The following LEKR1 variants were observed in gnomAD, a reference collection of about 807,000 sequenced individuals.
The protein encoded by LEKR1 is leucine, glutamate and lysine rich 1, also known as protein LEKR1.
Under a neutral mutation model 72.4 loss-of-function variants are expected in LEKR1, and 59 were observed. That is an observed-to-expected ratio of 0.82 (90% CI 0.66 to 1.01). The LOEUF is 1.01. LEKR1 is among the 50% of genes least tolerant of loss of function. The probability of loss-of-function intolerance (pLI) is 0.00; values close to 1 mark genes in which losing one functional copy is unlikely to be tolerated. For synonymous variants in LEKR1, 257 were observed against 263.2 expected, an observed-to-expected ratio of 0.98 and a Z score of 0.23; for missense variants, 728 against 759.2, an observed-to-expected ratio of 0.96 and a Z score of 0.48.
chr3:157,014,487 C>G (rs1297643549), intron 10 of LEKR1, among the ~76,000 whole-genome samples: 1 of 152,080 alleles, frequency 6.6e-6, no homozygotes, highest in Non-Finnish European at 1.5e-5. Flanking sequence ...AATTAAAGAA[C>G]CAAATGACCT....
At chr3:157,031,525 A>G (rs988321682) in intron 12 of LEKR1, among the ~76,000 whole-genome samples, 1 of 152,166 alleles carries the variant, frequency 6.6e-6, no homozygotes, top group South Asian at 2.1e-4. Context: ...CTGGCTAAGC[A>G]TGCCAGAGTC....
intron 6 of LEKR1, among the ~76,000 whole-genome samples, chr3:156,953,700 A>G (rs1221816129): frequency 1.3e-5 from 2 of 151,886 alleles, no homozygotes; most frequent in Admixed American, 6.6e-5. Flanking sequence ...ACATGATCTC[A>G]TTCCTTTTTA....
chr3:157,011,262 T>A, intron 9 of LEKR1, 151 bp from the exon 10 acceptor site: 1 of 573,462 alleles, frequency 1.7e-6, no homozygotes, highest in Non-Finnish European at 3.1e-6. Flanking sequence ...TTGCTGTTAA[T>A]AGTTAAAATG....
chr3:156,993,611 A>G (rs375001160), intron 9 of LEKR1, among the ~76,000 whole-genome samples: 1 of 151,498 alleles, frequency 6.6e-6, no homozygotes, highest in South Asian at 2.1e-4. Context: ...AGTGATTGGT[A>G]GATTCTATCA....
At position 157,024,936 on chromosome 3, in the gene LEKR1, T is replaced by C; in HGVS notation, c.1368+12T>C. The C allele has an allele frequency of 1.3e-6, 2 of 1,536,318 alleles. No homozygotes were observed. Among genetic ancestry groups the C allele is most frequent in the South Asian group, 1.2e-5 (1 of 85,244 alleles). On this transcript the variant is annotated intron_variant, in intron 11 of 12. Transcript: ENST00000356539. ...AACTACAAATGAAGGTCTGTAATTA[T>C]GATGTTCATCATTATTTAATAGATT...
intron 3 of LEKR1, among the ~76,000 whole-genome samples, chr3:156,899,614 ACATATATACACATATATACACG>A (rs869262162): frequency 0.069 from 7,158 of 103,618 alleles, 1,274 homozygotes; most frequent in Middle Eastern, 0.099. Flanking sequence ...ATATATACAC[ACATATATACACATATATACACG>A]CATATATACA....
chr3:156,841,769 A>C (rs1412023425), intron 2 of LEKR1, among the ~76,000 whole-genome samples: 1 of 152,190 alleles, frequency 6.6e-6, no homozygotes, highest in African/African-American at 2.4e-5. Flanking sequence ...TGATTTATCT[A>C]GATTGTCTGT....
chr3:156,947,898 A>G (rs1033579394), intron 6 of LEKR1, among the ~76,000 whole-genome samples: 4 of 151,192 alleles, frequency 2.6e-5, no homozygotes. Flanking sequence ...TAACTTTAAT[A>G]TAATTTTATT....
chr3:156,979,262 A>T lies in LEKR1; in HGVS notation c.814A>T (p.Lys272Ter), dbSNP rs1361216130. Residue 272 changes from lysine to a stop codon, truncating the protein, a stop_gained, in exon 7 of 13, where the codon AAA becomes TAA. Coordinates refer to ENST00000356539, the MANE Select transcript of LEKR1 (RefSeq NM_001004316.3). LOFTEE classifies it high-confidence loss of function. ...QKAVTEMDNYKEMLMNKSNEA... is the reference protein window; with the variant it reads ...QKAVTEMDNY Reference sequence around the variant, plus strand: ...GGCGGTGACAGAGATGGACAACTATAAAGAAATGCTTATGTAAGATGGAGA... The same window carrying T: ...GGCGGTGACAGAGATGGACAACTATTAAGAAATGCTTATGTAAGATGGAGA... 2 of 1,280,954 alleles carry T rather than the reference A, an allele frequency of 1.6e-6. No individual in the cohort carries two copies. The highest frequency in any genetic ancestry group is 5.6e-5 in the East Asian group (1 of 18,002). The allele number at this position is 1,280,954 out of a possible 1,614,324, so 79.3% of individuals were successfully genotyped here.
chr3:156,853,032 C>T (rs1715590171), intron 3 of LEKR1, 50 bp downstream of exon 3: 2 of 1,223,420 alleles, frequency 1.6e-6, no homozygotes, highest in Non-Finnish European at 2.3e-6. Context: ...AAGACAGCTA[C>T]AGGAAATAAA....
intron 2 of LEKR1, among the ~76,000 whole-genome samples, chr3:156,850,115 T>G (rs1244124787): frequency 2.6e-5 from 4 of 151,924 alleles, no homozygotes; most frequent in African/African-American, 4.8e-5. Context: ...AACAGATGCT[T>G]CTCAAAAGAA....
chr3:156,919,358 G>A (rs1723969746), intron 3 of LEKR1, among the ~76,000 whole-genome samples: 1 of 133,858 alleles, frequency 7.5e-6, no homozygotes, highest in Admixed American at 6.8e-5. Flanking sequence ...TTTGTATTAC[G>A]AGCATTGTTG....
intron 3 of LEKR1, among the ~76,000 whole-genome samples, chr3:156,881,029 C>G (rs576572717): frequency 2.0e-5 from 3 of 152,212 alleles, no homozygotes; most frequent in South Asian, 4.1e-4. Context: ...TATGACAAAC[C>G]CACAGCCAAT....
chr3:156,984,570 G>A (rs530487998), intron 7 of LEKR1, among the ~76,000 whole-genome samples: 12 of 152,096 alleles, frequency 7.9e-5, no homozygotes, highest in African/African-American at 2.9e-4. Context: ...CCAGTTACTC[G>A]GGAGGCTGAG....
In LEKR1 at chr3:157,007,119, G is replaced by A. The variant is rs534371034; in HGVS notation, c.1110-4294G>A. ...CGGGAGGCTGAGGCAGGAGAATGGC[G>A]TGAACCCGGGAGGCGGAGCTTGCAG... On this transcript the variant is annotated intron_variant, in intron 9 of 12. Transcript: ENST00000356539. Among the ~76,000 whole-genome samples the A allele has an allele frequency of 3.5e-4, 54 of 152,162 alleles. 1 individual carries two copies. The highest frequency in any genetic ancestry group is 1.4e-3 in the Admixed American group (22 of 15,298).
rs115358254 is a variant in LEKR1, at chr3:157,018,308, C to T, written c.1204-6452C>T. ...TAAATTTATTAACAGATATATTGAACGATATTGTTAACAAACTTGACCTAA... is the reference window on the plus strand; with the variant it reads ...TAAATTTATTAACAGATATATTGAATGATATTGTTAACAAACTTGACCTAA... On this transcript the variant is annotated intron_variant, in intron 10 of 12. Coordinates refer to ENST00000356539, the MANE Select transcript of LEKR1 (RefSeq NM_001004316.3). 3.9e-3 allele frequency among the ~76,000 whole-genome samples: 598 copies of T among 152,098 alleles called. 5 individuals are homozygous for T. The highest frequency in any genetic ancestry group is 0.013 in the African/African-American group (560 of 41,486).
intron 12 of LEKR1, among the ~76,000 whole-genome samples, chr3:157,040,276 T>C (rs1191584562): frequency 6.6e-6 from 1 of 152,242 alleles, no homozygotes; most frequent in Admixed American, 6.5e-5. Context: ...TTTGTCATCA[T>C]GGGCTCTTCC....
At chr3:156,918,281 C>A (rs901182165) in intron 3 of LEKR1, among the ~76,000 whole-genome samples, 1 of 152,068 alleles carries the variant, frequency 6.6e-6, no homozygotes. Context: ...ATTTTGCCTT[C>A]TAAGTAACAG....
At chr3:156,901,709 C>T (rs1035293938) in intron 3 of LEKR1, among the ~76,000 whole-genome samples, 11 of 151,824 alleles carry the variant, frequency 7.2e-5, no homozygotes, top group African/African-American at 2.2e-4. Flanking sequence ...TGTTTTGAGA[C>T]GGAGTCTCAC....
Sources: allele counts gnomAD v4.1 joint callset (sites outside exome capture counted in the v4.1 genomes callset), GRCh38; gene constraint gnomAD v4.1.1; transcripts MANE v1.5; gene names NCBI Gene and HGNC (gene_info 2026-07-23, HGNC 2026-07-21).